Variants in TRIM2 observed in about 807,000 individuals in gnomAD.
TRIM2 encodes the protein tripartite motif-containing protein 2.
In TRIM2, 20 loss-of-function variants were observed where a neutral mutation model predicts 75.2. The ratio of observed to expected loss-of-function variants is 0.27; its 90% CI spans 0.19 to 0.39. The LOEUF (loss-of-function observed/expected upper bound fraction) is 0.39, where lower values mean the gene tolerates loss of function less well. TRIM2 is among the 10% of genes least tolerant of loss of function. The pLI is 1.00. For missense variants in TRIM2, 660 were observed against 990.8 expected (o/e 0.67, Z 4.48); for synonymous variants, 373 against 388.3 (o/e 0.96, Z 0.46).
At chr4:153,329,417 A>G (rs1463915121) in intron 11 of TRIM2, among the ~76,000 whole-genome samples, 4 of 152,038 alleles carry the variant, frequency 2.6e-5, no homozygotes, top group Admixed American at 6.6e-5. Flanking sequence ...CAATGCTGAG[A>G]GGGAAATTAA....
At chr4:153,182,521 A>T (rs1233812320) in intron 1 of TRIM2, among the ~76,000 whole-genome samples, 4 of 152,082 alleles carry the variant, frequency 2.6e-5, no homozygotes, top group Admixed American at 2.6e-4. Flanking sequence ...ACCCCATGGG[A>T]TTGTTATTAG....
At chr4:153,327,308 GGA>G (rs1235007227) in intron 10 of TRIM2, among the ~76,000 whole-genome samples, 3 of 152,138 alleles carry the variant, frequency 2.0e-5, no homozygotes, top group Non-Finnish European at 2.9e-5. Context: ...CTGTAGAGAT[GGA>G]AGTGTCCTAC....
chr4:153,184,664 G>A (rs963099550), intron 1 of TRIM2, among the ~76,000 whole-genome samples: 2 of 152,114 alleles, frequency 1.3e-5, no homozygotes, highest in East Asian at 3.9e-4. Context: ...ATTCAGTTTT[G>A]CTCACCTGGA....
rs1183347273 is a variant in TRIM2, at chr4:153,233,284, T to A, written c.30+28724T>A. ...CTTTGGTTTAGCTAAAATGAGGACA[T>A]GGGGAAAAGAAAGTGCCAAAGAAAG... On this transcript the variant is annotated intron_variant, in intron 1 of 11. Coordinates refer to ENST00000338700, the MANE Select transcript of TRIM2 (RefSeq NM_015271.5). 3.9e-5 allele frequency among the ~76,000 whole-genome samples: 6 copies of A among 151,914 alleles called. No homozygotes were observed. The East Asian group carries it at 7.8e-4, about 20-fold the overall frequency.
At chr4:153,239,522 A>G (rs1173365721) in intron 1 of TRIM2, among the ~76,000 whole-genome samples, 2 of 152,142 alleles carry the variant, frequency 1.3e-5, no homozygotes, top group East Asian at 1.9e-4. Context: ...AAAGAATGCA[A>G]TCACCATGAT....
At chr4:153,288,125 TGATGA>T (rs777439170) in intron 3 of TRIM2, among the ~76,000 whole-genome samples, 2 of 152,158 alleles carry the variant, frequency 1.3e-5, no homozygotes, top group Non-Finnish European at 2.9e-5. Context: ...CTATAGTTTC[TGATGA>T]GATATCTGCT....
intron 1 of TRIM2, 101 bp from the exon 2 acceptor site, chr4:153,270,234 T>A (rs564903437): frequency 2.4e-4 from 337 of 1,422,372 alleles, no homozygotes; most frequent in South Asian, 4.5e-4. Context: ...GGCCGACTTC[T>A]ACCTTTACTT....
chr4:153,181,156 C>T (rs1007513997), intron 1 of TRIM2, among the ~76,000 whole-genome samples: 7 of 152,232 alleles, frequency 4.6e-5, no homozygotes, highest in Non-Finnish European at 4.4e-5. Context: ...ATTCTCCTAA[C>T]ACCTCTTTGA....
At chr4:153,187,828 A>G (rs879833081) in intron 1 of TRIM2, among the ~76,000 whole-genome samples, 2 of 152,230 alleles carry the variant, frequency 1.3e-5, no homozygotes, top group Non-Finnish European at 2.9e-5. Context: ...CAGCAGAGCC[A>G]TCTCCAAGGC....
chr4:153,157,007 C>T (rs559144773), intron 1 of TRIM2: 10 of 152,378 alleles, frequency 6.6e-5, no homozygotes, highest in African/African-American at 2.4e-4. Context: ...AGGGTGACAC[C>T]TCTCTTCTTT....
intron 1 of TRIM2, among the ~76,000 whole-genome samples, chr4:153,211,590 A>T (rs1737034087): frequency 6.7e-6 from 1 of 148,404 alleles, no homozygotes; most frequent in South Asian, 2.1e-4. Flanking sequence ...CAGACAGGTG[A>T]TTCTCCCACC....
At chr4:153,246,044 T>G (rs539376457) in intron 1 of TRIM2, among the ~76,000 whole-genome samples, 171 of 152,346 alleles carry the variant, frequency 1.1e-3, no homozygotes, top group Non-Finnish European at 2.0e-3. Flanking sequence ...ACGGATACTG[T>G]ATTGACTCAC....
intron 1 of TRIM2, among the ~76,000 whole-genome samples, chr4:153,178,804 A>G (rs1227839393): frequency 1.3e-5 from 2 of 152,234 alleles, no homozygotes; most frequent in Non-Finnish European, 2.9e-5. Context: ...GCTATTTATT[A>G]TATTAGTTAA....
intron 1 of TRIM2, among the ~76,000 whole-genome samples, chr4:153,263,238 A>G (rs1754026539): frequency 1.3e-5 from 2 of 151,564 alleles, no homozygotes; most frequent in Admixed American, 6.6e-5. Flanking sequence ...CTAAGGTGGG[A>G]CTCTCACTTA....
At chr4:153,198,110 A>C (rs966714715) in intron 1 of TRIM2, among the ~76,000 whole-genome samples, 1 of 152,182 alleles carries the variant, frequency 6.6e-6, no homozygotes, top group Non-Finnish European at 1.5e-5. Flanking sequence ...GACTAAGACA[A>C]TATTCTTTTT....
At chr4:153,303,708 A>G (rs1280713020) in intron 6 of TRIM2, among the ~76,000 whole-genome samples, 1 of 152,240 alleles carries the variant, frequency 6.6e-6, no homozygotes, top group African/African-American at 2.4e-5. Context: ...CATTAATTTT[A>G]TGCTTAAAGA....
intron 1 of TRIM2, among the ~76,000 whole-genome samples, chr4:153,196,763 G>C (rs1733822394): frequency 6.6e-6 from 1 of 152,132 alleles, no homozygotes; most frequent in Non-Finnish European, 1.5e-5. Context: ...CATGGGTCCT[G>C]GGATTAATTC....
chr4:153,226,564 G>A (rs971244976), intron 1 of TRIM2, among the ~76,000 whole-genome samples: 4 of 152,200 alleles, frequency 2.6e-5, no homozygotes, highest in Non-Finnish European at 5.9e-5. Context: ...TGTTTTTCAG[G>A]TTTCAGAATG....
At chr4:153,188,478 T>TA (rs150271158) in intron 1 of TRIM2, among the ~76,000 whole-genome samples, 13 of 151,962 alleles carry the variant, frequency 8.6e-5, no homozygotes, top group South Asian at 2.1e-4. Context: ...AAAAACCCCA[T>TA]AAAAAAACAA....
Sources: gnomAD v4.1 joint callset for allele counts (sites outside exome capture counted in the v4.1 genomes callset) on GRCh38, gnomAD v4.1.1 for gene constraint, MANE v1.5 for transcripts, NCBI Gene and HGNC (gene_info 2026-07-23, HGNC 2026-07-21) for gene names.